IMMP2L: variants seen among roughly 807,000 people sequenced by gnomAD.
IMMP2L encodes mitochondrial inner membrane protease subunit 2.
In IMMP2L, 18 loss-of-function variants were observed where a neutral mutation model predicts 19.3. That is an observed-to-expected ratio of 0.93 (90% confidence interval 0.64 to 1.38). The LOEUF (loss-of-function observed/expected upper bound fraction) is 1.38. Among genes scored for constraint, IMMP2L ranks in the 40% most tolerant of loss-of-function variants. The probability of loss-of-function intolerance (pLI) is 0.00; values close to 1 mark genes in which losing one functional copy is unlikely to be tolerated. For synonymous variants in IMMP2L, 76 were observed against 73.0 expected (o/e 1.04, Z -0.21); for missense variants, 233 against 218.2 (o/e 1.07, Z -0.43).
intron 3 of IMMP2L, among the ~76,000 whole-genome samples, chr7:111,456,362 T>C (rs1258767557): frequency 6.6e-6 from 1 of 151,968 alleles, no homozygotes; most frequent in Non-Finnish European, 1.5e-5. Flanking sequence ...TCCTTTTTGA[T>C]GTACTGCTGA....
intron 2 of IMMP2L, among the ~76,000 whole-genome samples, chr7:111,513,026 A>G (rs1391805149): frequency 6.6e-6 from 1 of 152,106 alleles, no homozygotes; most frequent in African/African-American, 2.4e-5. Context: ...AAGAAAACAT[A>G]GGGAGAAAAG....
intron 1 of IMMP2L, among the ~76,000 whole-genome samples, chr7:111,541,622 AATG>A (rs1848511573): frequency 6.6e-6 from 1 of 152,154 alleles, no homozygotes; most frequent in South Asian, 2.1e-4. Context: ...ATCAACATCA[AATG>A]ATATTAGGGA....
Position 110,803,948 on chromosome 7 carries a change from G to C in IMMP2L, c.408+82645C>G, listed in dbSNP as rs1384092207. ...TTTACCTAGTCTTCTTGGTGATTAT[G>C]ATATAAGCTGAAGTTTAAGAACAAC... On this transcript the variant is annotated intron_variant, in intron 5 of 5. Coordinates refer to ENST00000405709, the MANE Select transcript of IMMP2L (RefSeq NM_032549.4). The surrounding 1 kb of genome is among the most constrained non-coding windows in gnomAD (Gnocchi z 4.2). Among the ~76,000 whole-genome samples the C allele has an allele frequency of 1.3e-5, 2 of 151,986 alleles. No individual in the cohort carries two copies. The highest frequency in any genetic ancestry group is 4.8e-5 in the African/African-American group (2 of 41,416).
intron 3 of IMMP2L, among the ~76,000 whole-genome samples, chr7:111,408,331 G>C (rs1834074879): frequency 6.6e-6 from 1 of 151,654 alleles, no homozygotes; most frequent in South Asian, 2.1e-4. Context: ...TTCAGTGAGA[G>C]ACTTAATTAC....
intron 3 of IMMP2L, among the ~76,000 whole-genome samples, chr7:111,191,056 A>G (rs1022052288): frequency 6.6e-6 from 1 of 152,136 alleles, no homozygotes; most frequent in Admixed American, 6.6e-5. Context: ...AAGGCATCAA[A>G]GAGATAGTAA....
At chr7:111,149,234 C>A (rs1185409282) in intron 3 of IMMP2L, among the ~76,000 whole-genome samples, 1 of 151,882 alleles carries the variant, frequency 6.6e-6, no homozygotes, top group Non-Finnish European at 1.5e-5. Flanking sequence ...AGTTAGAAGT[C>A]AAAAGAAAGA....
chr7:111,351,262 C>T (rs966577955), intron 3 of IMMP2L, among the ~76,000 whole-genome samples: 5 of 152,162 alleles, frequency 3.3e-5, no homozygotes, highest in Non-Finnish European at 7.3e-5. Flanking sequence ...GCAATCTCTG[C>T]TCACCGCAAC....
At chr7:111,505,290 G>C (rs1185795521) in intron 2 of IMMP2L, among the ~76,000 whole-genome samples, 1 of 150,958 alleles carries the variant, frequency 6.6e-6, no homozygotes, top group African/African-American at 2.4e-5. Context: ...TCTCACACCA[G>C]TTAGAATGGC....
rs909628930 is a variant in IMMP2L at position 111,428,882 on chromosome 7, T to G, written c.239+58356A>C. On this transcript the variant is annotated intron_variant, in intron 3 of 5. Transcript: ENST00000405709. Reference sequence around the variant, plus strand: ...TTCCATAAGTACTTACAAAGCTCCATAAGTACTTACAAAGCAGTATAGTAT... The same window carrying G: ...TTCCATAAGTACTTACAAAGCTCCAGAAGTACTTACAAAGCAGTATAGTAT... Among the ~76,000 whole-genome samples, 46 of 151,838 alleles carry G rather than the reference T, an allele frequency of 3.0e-4. 2 individuals are homozygous for G. Among genetic ancestry groups the G allele is most frequent in the African/African-American group, 1.0e-3 (43 of 41,174 alleles).
At chr7:111,312,170 A>G (rs1823592034) in intron 3 of IMMP2L, among the ~76,000 whole-genome samples, 1 of 152,100 alleles carries the variant, frequency 6.6e-6, no homozygotes, top group Non-Finnish European at 1.5e-5. Context: ...AAGAAGAGGG[A>G]ATTTAATCTC....
chr7:111,153,174 A>T (rs1043898981), intron 3 of IMMP2L, among the ~76,000 whole-genome samples: 1 of 152,036 alleles, frequency 6.6e-6, no homozygotes, highest in Non-Finnish European at 1.5e-5. Context: ...TTTCTTTTTT[A>T]AAAAAAGTTC....
chr7:111,133,287 AGGCAGAG>A (rs1177228480), intron 3 of IMMP2L, among the ~76,000 whole-genome samples: 2 of 152,064 alleles, frequency 1.3e-5, no homozygotes, highest in Non-Finnish European at 2.9e-5. Context: ...AAAGTATGAT[AGGCAGAG>A]GGACGATTAC....
At chr7:111,224,243 T>C (rs214469) in intron 3 of IMMP2L, among the ~76,000 whole-genome samples, 102,928 of 151,954 alleles carry the variant, frequency 0.68, 35,743 homozygotes, top group African/African-American at 0.81. Context: ...AGTGAGAATG[T>C]CATTATTCTG....
intron 3 of IMMP2L, among the ~76,000 whole-genome samples, chr7:110,977,794 T>C (rs1820856316): frequency 6.6e-6 from 1 of 151,928 alleles, no homozygotes; most frequent in African/African-American, 2.4e-5. Context: ...ACCTTTGAAA[T>C]AATTAAAGAT....
chr7:111,205,499 G>A lies in IMMP2L; in HGVS notation c.240-241934C>T, dbSNP rs569660804. On this transcript the variant is annotated intron_variant, in intron 3 of 5. Coordinates refer to ENST00000405709, the MANE Select transcript of IMMP2L (RefSeq NM_032549.4). ...CTCAGGAAAATCAGTTCCATTGAAC[G>A]TCACAGGACCTTATACAGATTAAAG... is the stretch of plus-strand genomic sequence containing the variant. Among the ~76,000 whole-genome samples the A allele has an allele frequency of 3.0e-4, 45 of 152,208 alleles. 1 individual carries two copies. The South Asian group carries it at 4.8e-3, about 16-fold the overall frequency.
chr7:111,178,697 T>C (rs186206298), intron 3 of IMMP2L, among the ~76,000 whole-genome samples: 40 of 152,220 alleles, frequency 2.6e-4, no homozygotes, highest in Admixed American at 2.4e-3. Flanking sequence ...TCTTTGCTTA[T>C]CCATAAAAAG....
At chr7:111,207,538 T>G (rs1810847890) in intron 3 of IMMP2L, among the ~76,000 whole-genome samples, 1 of 133,846 alleles carries the variant, frequency 7.5e-6, no homozygotes, top group Admixed American at 7.2e-5. Flanking sequence ...TTTTTGGTTT[T>G]TTTTTTTTTT....
intron 5 of IMMP2L, among the ~76,000 whole-genome samples, chr7:110,678,200 A>G (rs1173196079): frequency 6.6e-6 from 1 of 152,116 alleles, no homozygotes; most frequent in Admixed American, 6.5e-5. Context: ...CTGAGCTGCT[A>G]TAAAATTGTA....
rs765109775 is a variant in IMMP2L, at chr7:110,870,747, C to A, written c.408+15846G>T. Among the ~76,000 whole-genome samples, 2 of 152,182 alleles carry A rather than the reference C, an allele frequency of 1.3e-5. No homozygotes were observed. Among genetic ancestry groups the A allele is most frequent in the East Asian group, 1.9e-4 (1 of 5,170 alleles). ...AATGGAAAGATCAGAGAGGTGCAAG[C>A]ACGGAAAGGGAAGAGATGGAGAGGC... On this transcript the variant is annotated intron_variant, in intron 5 of 5. Transcript: ENST00000405709. This position sits in a 1 kb window ranked among gnomAD's most constrained non-coding sequence, Gnocchi z 4.2.
Sources: allele counts gnomAD v4.1 joint callset (sites outside exome capture counted in the v4.1 genomes callset), GRCh38; gene constraint gnomAD v4.1.1; non-coding constraint Gnocchi (gnomAD v3.1); transcripts MANE v1.5; gene names NCBI Gene and HGNC (gene_info 2026-07-23, HGNC 2026-07-21).